Variants in TMEM132D observed in about 807,000 individuals in gnomAD.
TMEM132D encodes the protein transmembrane protein 132D.
A neutral mutation model predicts 62.3 loss-of-function variants in TMEM132D; 21 were observed. The ratio of observed to expected loss-of-function variants is 0.34; its 90% CI spans 0.24 to 0.49. TMEM132D has a LOEUF of 0.49. TMEM132D is among the 20% of genes least tolerant of loss of function. The probability of loss-of-function intolerance (pLI) is 0.99; values close to 1 mark genes in which losing one functional copy is unlikely to be tolerated. For missense variants in TMEM132D, 1,346 were observed against 1,402.8 expected (o/e 0.96, Z 0.65); for synonymous variants, 621 against 575.6 (o/e 1.08, Z -1.13).
chr12:129,738,508 A>G lies in TMEM132D; in HGVS notation c.80-37810T>C, dbSNP rs6486502. On this transcript the variant is annotated intron_variant, in intron 1 of 8. Coordinates refer to ENST00000422113, the MANE Select transcript of TMEM132D (RefSeq NM_133448.3). ...TGTGTAGCCTGAGTAAAGACTGCAG[A>G]GATGCAGAAAAGGAGAAAACCCCAA... 8.6e-3 allele frequency among the ~76,000 whole-genome samples: 1,310 copies of G among 152,362 alleles called. 21 individuals are homozygous for G. The highest frequency in any genetic ancestry group is 0.03 in the African/African-American group (1,259 of 41,584).
At chr12:129,385,821 G>C (rs1871092482) in intron 3 of TMEM132D, among the ~76,000 whole-genome samples, 1 of 152,122 alleles carries the variant, frequency 6.6e-6, no homozygotes, top group Non-Finnish European at 1.5e-5. Flanking sequence ...CCAAACCCCT[G>C]GTGCATACTT....
In TMEM132D at chr12:129,484,598, C is replaced by A. The variant is rs573348678; in HGVS notation, c.1115+46461G>T. Among the ~76,000 whole-genome samples the A allele has an allele frequency of 9.7e-3, 1,478 of 152,278 alleles. 28 individuals are homozygous for A. Among genetic ancestry groups the A allele is most frequent in the African/African-American group, 0.034 (1,427 of 41,556 alleles). ...ATGGACTTCATTTTGTTACTTATCTCAAAAGATCTAACATGCTCTCTTCCA... is the reference window on the plus strand; with the variant it reads ...ATGGACTTCATTTTGTTACTTATCTAAAAAGATCTAACATGCTCTCTTCCA... On this transcript the variant is annotated intron_variant, in intron 3 of 8. Transcript: ENST00000422113.
At chr12:129,688,243 G>A (rs995230101) in intron 2 of TMEM132D, among the ~76,000 whole-genome samples, 1 of 152,164 alleles carries the variant, frequency 6.6e-6, no homozygotes, top group African/African-American at 2.4e-5. Flanking sequence ...AGAGAGAGAA[G>A]TTTAAATAGT....
intron 5 of TMEM132D, among the ~76,000 whole-genome samples, chr12:129,136,899 TCAC>T (rs1221172881): frequency 4.0e-5 from 6 of 148,530 alleles, no homozygotes; most frequent in Non-Finnish European, 8.9e-5. Context: ...ACCACCATCA[TCAC>T]CATCATCATC....
intron 1 of TMEM132D, among the ~76,000 whole-genome samples, chr12:129,774,075 T>G (rs1870842277): frequency 6.6e-6 from 1 of 152,154 alleles, no homozygotes; most frequent in Non-Finnish European, 1.5e-5. Flanking sequence ...GCTATTACAA[T>G]AGTCACACAC....
At chr12:129,124,093 A>G (rs1876144192) in intron 5 of TMEM132D, among the ~76,000 whole-genome samples, 1 of 152,096 alleles carries the variant, frequency 6.6e-6, no homozygotes, top group Admixed American at 6.5e-5. Flanking sequence ...CCCAACTAAT[A>G]CAGGTAGCCT....
At chr12:129,220,300 A>G (rs1029526670) in intron 4 of TMEM132D, among the ~76,000 whole-genome samples, 2 of 152,040 alleles carry the variant, frequency 1.3e-5, no homozygotes, top group African/African-American at 4.8e-5. Context: ...TGCCTCTCCC[A>G]CAGTCTGAGC....
intron 5 of TMEM132D, among the ~76,000 whole-genome samples, chr12:129,120,937 G>C (rs1016755523): frequency 1.3e-5 from 2 of 151,866 alleles, no homozygotes; most frequent in African/African-American, 4.8e-5. Context: ...AAACAATAAG[G>C]CTTCTGTGGT....
chr12:129,344,889 A>G (rs767379746), intron 3 of TMEM132D, among the ~76,000 whole-genome samples: 1 of 151,906 alleles, frequency 6.6e-6, no homozygotes, highest in Non-Finnish European at 1.5e-5. Flanking sequence ...TTGCTGATTG[A>G]GATTTGGTAT....
intron 3 of TMEM132D, among the ~76,000 whole-genome samples, chr12:129,415,713 G>C (rs932611763): frequency 6.6e-6 from 1 of 152,176 alleles, no homozygotes; most frequent in Non-Finnish European, 1.5e-5. Context: ...GTCTATCTCG[G>C]TTTCCAGTCA....
intron 3 of TMEM132D, among the ~76,000 whole-genome samples, chr12:129,365,853 G>A (rs73151021): frequency 0.23 from 34,608 of 151,874 alleles, 4,636 homozygotes; most frequent in South Asian, 0.36. Context: ...CTGAGCACAC[G>A]TGCCGCAGGG....
chr12:129,825,412 C>G (rs1872636610), intron 1 of TMEM132D, among the ~76,000 whole-genome samples: 1 of 152,200 alleles, frequency 6.6e-6, no homozygotes, highest in African/African-American at 2.4e-5. Context: ...TCTGCTGCCT[C>G]CACCGCTGCT....
intron 1 of TMEM132D, among the ~76,000 whole-genome samples, chr12:129,708,105 T>A (rs1230748778): frequency 1.3e-5 from 2 of 151,968 alleles, no homozygotes; most frequent in East Asian, 3.9e-4. Flanking sequence ...TAATCCCAGC[T>A]AGTCAGGAGG....
chr12:129,294,850 C>A (rs1266072903), intron 4 of TMEM132D, among the ~76,000 whole-genome samples: 1 of 152,184 alleles, frequency 6.6e-6, no homozygotes, highest in Non-Finnish European at 1.5e-5. Context: ...GAAATATCTC[C>A]TATGACTGTG....
At chr12:129,292,001 CAT>C (rs1247054666) in intron 4 of TMEM132D, among the ~76,000 whole-genome samples, 1 of 152,052 alleles carries the variant, frequency 6.6e-6, no homozygotes, top group Non-Finnish European at 1.5e-5. Context: ...GAAGCCTTTT[CAT>C]ATGAGTCCAC....
intron 2 of TMEM132D, among the ~76,000 whole-genome samples, chr12:129,685,066 C>A (rs1407708372): frequency 2.0e-5 from 3 of 152,164 alleles, no homozygotes; most frequent in African/African-American, 7.2e-5. Flanking sequence ...AGGGAAACAG[C>A]ATAAAAGTTC....
intron 1 of TMEM132D, among the ~76,000 whole-genome samples, chr12:129,819,154 T>C (rs1872465974): frequency 6.6e-6 from 1 of 152,132 alleles, no homozygotes; most frequent in Non-Finnish European, 1.5e-5. Flanking sequence ...AGGTTCATGC[T>C]GCCCCACATG....
At chr12:129,818,229 T>C (rs991221323) in intron 1 of TMEM132D, among the ~76,000 whole-genome samples, 5 of 147,018 alleles carry the variant, frequency 3.4e-5, no homozygotes, top group Non-Finnish European at 6.0e-5. Context: ...TGTGTGTATG[T>C]GGTTTGGGGT....
At chr12:129,708,609 G>GT (rs1227683918) in intron 1 of TMEM132D, among the ~76,000 whole-genome samples, 4 of 9,392 alleles carry the variant, frequency 4.3e-4, no homozygotes, top group African/African-American at 1.1e-3. Flanking sequence ...AGAGGCTCAG[G>GT]TAAAAAAAAA....
Sources: gnomAD v4.1 joint callset for allele counts (sites outside exome capture counted in the v4.1 genomes callset) on GRCh38, gnomAD v4.1.1 for gene constraint, MANE v1.5 for transcripts, NCBI Gene and HGNC (gene_info 2026-07-23, HGNC 2026-07-21) for gene names.